The following GSE1 variants were observed in gnomAD, a reference collection of about 807,000 sequenced individuals.
GSE1 encodes the protein genetic suppressor element 1.
A neutral mutation model predicts 112.6 loss-of-function variants in GSE1; 32 were observed. The ratio of observed to expected loss-of-function variants is 0.28; its 90% CI spans 0.21 to 0.38. The LOEUF is 0.38. GSE1 is among the 10% of genes least tolerant of loss of function. The pLI is 1.00. For synonymous variants in GSE1, 1,115 were observed against 735.6 expected (o/e 1.52, Z -8.35); for missense variants, 2,348 against 1,699.2 (o/e 1.38, Z -6.71).
At chr16:85,607,829 C>T (rs935837934), upstream of GSE1, among the ~76,000 whole-genome samples, 1 of 152,200 alleles carries the variant, frequency 6.6e-6, no homozygotes, top group Admixed American at 6.5e-5. Flanking sequence ...GAGACAGGGG[C>T]CTTCTTCCCT....
chr16:85,214,121 C>T (rs1432519409), intron 1 of GSE1, among the ~76,000 whole-genome samples: 5 of 152,224 alleles, frequency 3.3e-5, no homozygotes, highest in East Asian at 3.9e-4. Context: ...TGACATCGTA[C>T]GAGTGTCGGG....
chr16:85,471,572 C>T (rs1372868392), intron 2 of GSE1, among the ~76,000 whole-genome samples: 1 of 152,024 alleles, frequency 6.6e-6, no homozygotes, highest in Non-Finnish European at 1.5e-5. Context: ...CCACCATGCC[C>T]AGATAATTTT....
chr16:85,177,861 G>C (rs1439740830), intron 1 of GSE1, among the ~76,000 whole-genome samples: 1 of 152,170 alleles, frequency 6.6e-6, no homozygotes, highest in East Asian at 1.9e-4. Context: ...CTATACCCTG[G>C]CAGTGCTGGG....
intron 1 of GSE1, among the ~76,000 whole-genome samples, chr16:85,337,284 G>T (rs975366689): frequency 6.8e-6 from 1 of 147,492 alleles, no homozygotes; most frequent in African/African-American, 2.5e-5. Flanking sequence ...TTGGGCTCAG[G>T]ACTTTTTTTT....
At chr16:85,515,907 C>G (rs923588334) in intron 2 of GSE1, among the ~76,000 whole-genome samples, 1 of 152,160 alleles carries the variant, frequency 6.6e-6, no homozygotes, top group Non-Finnish European at 1.5e-5. Flanking sequence ...AGTGGCTGTT[C>G]CCACCCGGAG....
chr16:85,209,688 A>G (rs1377930642), intron 1 of GSE1, among the ~76,000 whole-genome samples: 3 of 152,196 alleles, frequency 2.0e-5, no homozygotes, highest in African/African-American at 7.2e-5. Context: ...ATCGAGGTGC[A>G]TGGCCATGGT....
intron 1 of GSE1, among the ~76,000 whole-genome samples, chr16:85,228,351 C>T (rs1029934221): frequency 6.6e-6 from 1 of 152,132 alleles, no homozygotes; most frequent in Non-Finnish European, 1.5e-5. Context: ...TGCTTGTGGC[C>T]AGCAGCGTAC....
intron 2 of GSE1, among the ~76,000 whole-genome samples, chr16:85,427,497 C>T (rs1391469758): frequency 6.6e-6 from 1 of 152,204 alleles, no homozygotes; most frequent in East Asian, 1.9e-4. Flanking sequence ...CAAAAATCAG[C>T]CGGGCATGGT....
intron 1 of GSE1, among the ~76,000 whole-genome samples, chr16:85,242,511 A>T (rs904699520): frequency 5.3e-5 from 8 of 152,088 alleles, no homozygotes; most frequent in African/African-American, 1.9e-4. Context: ...CTTCTTCTAA[A>T]CTCATAGCAG....
At chr16:85,488,731 G>A (rs763460669) in intron 2 of GSE1, among the ~76,000 whole-genome samples, 11 of 152,330 alleles carry the variant, frequency 7.2e-5, no homozygotes, top group Non-Finnish European at 1.3e-4. Context: ...CAGAGTGATG[G>A]AGACTGGAGG....
intron 2 of GSE1, among the ~76,000 whole-genome samples, chr16:85,403,559 G>C (rs2048169403): frequency 6.6e-6 from 1 of 152,130 alleles, no homozygotes; most frequent in South Asian, 2.1e-4. Flanking sequence ...GGAGGCTGAG[G>C]TGGGAGGATC....
At chr16:85,644,854 G>T (rs2050724328) in intron 2 of GSE1, among the ~76,000 whole-genome samples, 1 of 51,250 alleles carries the variant, frequency 2.0e-5, no homozygotes, top group Non-Finnish European at 3.8e-5. Context: ...GAGGTTCCAT[G>T]GAATTTTTTT....
chr16:85,256,319 A>C (rs1907076198), intron 1 of GSE1, among the ~76,000 whole-genome samples: 1 of 152,266 alleles, frequency 6.6e-6, no homozygotes, highest in African/African-American at 2.4e-5. Flanking sequence ...ACCCGCTATA[A>C]GGCAGACACG....
chr16:85,580,290 G>A (rs1387586583), intron 1 of GSE1: 1 of 152,542 alleles, frequency 6.6e-6, no homozygotes, highest in African/African-American at 2.4e-5. Context: ...CAGTGGAAAA[G>A]CGTGTAGGGA....
chr16:85,471,994 A>G (rs1052253551), intron 2 of GSE1, among the ~76,000 whole-genome samples: 1 of 152,232 alleles, frequency 6.6e-6, no homozygotes, highest in Non-Finnish European at 1.5e-5. Context: ...TTGGGGCCAG[A>G]TACTTCTTTG....
intron 1 of GSE1, among the ~76,000 whole-genome samples, chr16:85,604,760 A>ATATATATATATATATATATATAT (rs2047613687): frequency 1.8e-4 from 1 of 5,544 alleles, no homozygotes; most frequent in African/African-American, 9.0e-4. Context: ...AAAAAAAAAA[A>ATATATATATATATATATATATAT]AAAAAAAAAA....
At position 85,312,208 on chromosome 16, in the gene GSE1, G is replaced by GGA. The variant is rs1555559874; in HGVS notation, c.2284-45254_2284-45253insAG. ...GTGGTCTCTCTGATCCTCTTGCGGG[G>GGA]GGGGGGGGGACACACTTACCCCCAA... is the stretch of plus-strand genomic sequence containing the variant. On this transcript the variant is annotated intron_variant, in intron 1 of 2. Transcript: ENST00000637419. 1.2e-4 allele frequency among the ~76,000 whole-genome samples: 18 copies of GGA among 149,402 alleles called. 2 individuals are homozygous for GGA. Among genetic ancestry groups the GGA allele is most frequent in the Admixed American group, 2.0e-4 (3 of 15,172 alleles).
chr16:85,417,505 G>C (rs1252257050), intron 2 of GSE1, among the ~76,000 whole-genome samples: 1 of 152,216 alleles, frequency 6.6e-6, no homozygotes, highest in Non-Finnish European at 1.5e-5. Flanking sequence ...GTTTTAGAAG[G>C]GCCGCCCAGG....
In GSE1 at chr16:85,419,112, G is replaced by T. The variant is rs1276706842; in HGVS notation, c.2464+61469G>T. Among the ~76,000 whole-genome samples the T allele has an allele frequency of 1.3e-5, 2 of 152,138 alleles. No individual in the cohort carries two copies. The highest frequency in any genetic ancestry group is 2.4e-5 in the African/African-American group (1 of 41,424). The stretch of plus-strand genomic sequence containing the variant: ...AGCGCACAGATGGCGTGTAAAGCTG[G>T]GAGACTGGGGAGACACCTTGGGAGT... On this transcript the variant is annotated intron_variant, in intron 2 of 2. Transcript: ENST00000637419. This position sits in a 1 kb window ranked among gnomAD's most constrained non-coding sequence, Gnocchi z 6.5.
Sources: allele counts gnomAD v4.1 joint callset (sites outside exome capture counted in the v4.1 genomes callset), GRCh38; gene constraint gnomAD v4.1.1; non-coding constraint Gnocchi (gnomAD v3.1); transcripts MANE v1.5; gene names NCBI Gene and HGNC (gene_info 2026-07-23, HGNC 2026-07-21).